TMEM135: variants seen among roughly 807,000 people sequenced by gnomAD.
The protein encoded by TMEM135 is peroxisomal membrane protein 52.
TMEM135 carries 30 observed loss-of-function variants against 60.3 expected under a neutral mutation model. That is an observed-to-expected ratio of 0.50 (90% CI 0.37 to 0.68). The LOEUF is 0.68. Ranked by LOEUF, TMEM135 falls within the 30% of genes least tolerant of loss-of-function variation. The pLI is 0.00. For missense variants in TMEM135, 468 were observed against 548.8 expected, an observed-to-expected ratio of 0.85 and a Z score of 1.47; for synonymous variants, 190 against 186.7, an observed-to-expected ratio of 1.02 and a Z score of -0.14.
At chr11:87,076,256 C>T (rs1354143628) in intron 3 of TMEM135, among the ~76,000 whole-genome samples, 1 of 152,208 alleles carries the variant, frequency 6.6e-6, no homozygotes, top group Non-Finnish European at 1.5e-5. Context: ...AATATAAAGT[C>T]CTTCCCACTC....
chr11:87,171,485 A>G (rs993147133), intron 5 of TMEM135, among the ~76,000 whole-genome samples: 1 of 152,138 alleles, frequency 6.6e-6, no homozygotes, highest in African/African-American at 2.4e-5. Flanking sequence ...CTGCAAACAT[A>G]TATGTTAAGC....
At chr11:87,133,243 G>A (rs1937987871) in intron 4 of TMEM135, among the ~76,000 whole-genome samples, 1 of 152,174 alleles carries the variant, frequency 6.6e-6, no homozygotes, top group Non-Finnish European at 1.5e-5. Context: ...ACTGCAGAAA[G>A]TGAGACTGAG....
At chr11:87,067,578 C>T (rs868097662) in intron 1 of TMEM135, 116 bp from the exon 2 acceptor site, 3 of 1,364,136 alleles carry the variant, frequency 2.2e-6, no homozygotes, top group Non-Finnish European at 3.0e-6. Context: ...CAGTGAAATG[C>T]CAGCATTTTT....
At chr11:87,312,124 C>A (rs1229810410) in intron 10 of TMEM135, among the ~76,000 whole-genome samples, 3 of 150,346 alleles carry the variant, frequency 2.0e-5, no homozygotes, top group Non-Finnish European at 4.4e-5. Context: ...TGAGTTTAAA[C>A]CTACTTTCAT....
At chr11:87,106,430 T>G (rs1336679111) in intron 4 of TMEM135, among the ~76,000 whole-genome samples, 1 of 152,170 alleles carries the variant, frequency 6.6e-6, no homozygotes, top group Admixed American at 6.5e-5. Context: ...AGTGAAATAT[T>G]CTTTTAATGT....
At chr11:87,299,368 T>C (rs1341964774) in intron 7 of TMEM135, among the ~76,000 whole-genome samples, 1 of 152,108 alleles carries the variant, frequency 6.6e-6, no homozygotes, top group Non-Finnish European at 1.5e-5. Context: ...TGCCACACTT[T>C]AAAACCATTA....
chr11:87,275,082 C>A (rs926680307), intron 6 of TMEM135, among the ~76,000 whole-genome samples: 1 of 151,568 alleles, frequency 6.6e-6, no homozygotes, highest in Non-Finnish European at 1.5e-5. Context: ...TATGTTCAGA[C>A]CCCTGCAATT....
intron 5 of TMEM135, among the ~76,000 whole-genome samples, chr11:87,222,200 A>G (rs1940638994): frequency 2.7e-5 from 4 of 148,646 alleles, no homozygotes; most frequent in Admixed American, 2.0e-4. Context: ...AAAAAAAAAA[A>G]AAAAATTATT....
chr11:87,046,298 G>A (rs1183883811), intron 1 of TMEM135, among the ~76,000 whole-genome samples: 1 of 152,144 alleles, frequency 6.6e-6, no homozygotes, highest in Non-Finnish European at 1.5e-5. Flanking sequence ...CAGCTACTTG[G>A]GAGACTGAGG....
intron 5 of TMEM135, among the ~76,000 whole-genome samples, chr11:87,219,099 T>C (rs1201014982): frequency 6.6e-6 from 1 of 152,224 alleles, no homozygotes; most frequent in African/African-American, 2.4e-5. Context: ...TAGAAATATT[T>C]ACATGCATTT....
At position 87,306,911 on chromosome 11, in the gene TMEM135, G is replaced by T. The variant is rs570045487; in HGVS notation, c.768+906G>T. On this transcript the variant is annotated intron_variant, in intron 9 of 14. Coordinates refer to ENST00000305494, the MANE Select transcript of TMEM135 (RefSeq NM_022918.4). Reference sequence around the variant, plus strand: ...TAATTTTTGTGTTTTAGTAGAGGCAGGGTTTCACCATGTTGGCCAGGCTGG... The same window carrying T: ...TAATTTTTGTGTTTTAGTAGAGGCATGGTTTCACCATGTTGGCCAGGCTGG... Among the ~76,000 whole-genome samples, 6 of 152,110 alleles carry T rather than the reference G, an allele frequency of 3.9e-5. No individual in the cohort carries two copies. The East Asian group carries it at 1.2e-3, about 29-fold the overall frequency.
chr11:87,267,387 G>A (rs922012645), intron 6 of TMEM135, among the ~76,000 whole-genome samples: 4 of 152,058 alleles, frequency 2.6e-5, no homozygotes, highest in African/African-American at 4.8e-5. Context: ...CACAAGATAA[G>A]CATTCTAGCC....
intron 12 of TMEM135, among the ~76,000 whole-genome samples, chr11:87,317,773 G>T (rs1156905588): frequency 6.6e-6 from 1 of 152,008 alleles, no homozygotes; most frequent in African/African-American, 2.4e-5. Context: ...AATAGTGCCC[G>T]GCGTGTAGAC....
At chr11:87,245,593 T>C in intron 6 of TMEM135, among the ~76,000 whole-genome samples, 1 of 140,828 alleles carries the variant, frequency 7.1e-6, no homozygotes, top group Non-Finnish European at 1.5e-5. Context: ...TTGATCCCTT[T>C]ACCATTACGT....
At chr11:87,080,338 C>G (rs1475585860) in intron 3 of TMEM135, among the ~76,000 whole-genome samples, 1 of 151,986 alleles carries the variant, frequency 6.6e-6, no homozygotes, top group Non-Finnish European at 1.5e-5. Context: ...CACTGCCTTC[C>G]CCACCCCACC....
At chr11:87,198,882 C>T (rs919007036) in intron 5 of TMEM135, among the ~76,000 whole-genome samples, 1 of 148,512 alleles carries the variant, frequency 6.7e-6, no homozygotes, top group African/African-American at 2.5e-5. Context: ...CAAATATTGT[C>T]TTCTATGTCT....
intron 5 of TMEM135, among the ~76,000 whole-genome samples, chr11:87,158,488 G>T (rs866072093): frequency 6.8e-6 from 1 of 146,018 alleles, no homozygotes; most frequent in Non-Finnish European, 1.5e-5. Context: ...TTGAGACAGA[G>T]TCTCACTCTG....
intron 5 of TMEM135, among the ~76,000 whole-genome samples, chr11:87,163,152 G>C (rs1239181679): frequency 3.4e-5 from 5 of 146,896 alleles, no homozygotes; most frequent in Non-Finnish European, 6.0e-5. Context: ...TCCTCATCTA[G>C]CATTAGGTAT....
intron 6 of TMEM135, among the ~76,000 whole-genome samples, chr11:87,273,853 G>A (rs758693691): frequency 6.6e-6 from 1 of 152,046 alleles, no homozygotes; most frequent in Admixed American, 6.5e-5. Flanking sequence ...CATTCTCCTA[G>A]GCTATTTGGG....
Sources: gnomAD v4.1 joint callset for allele counts (sites outside exome capture counted in the v4.1 genomes callset) on GRCh38, gnomAD v4.1.1 for gene constraint, MANE v1.5 for transcripts, NCBI Gene and HGNC (gene_info 2026-07-23, HGNC 2026-07-21) for gene names.